Variants in METTL15 observed in about 807,000 individuals in gnomAD.
METTL15 encodes the protein 12S rRNA N(4)-cytidine methyltransferase METTL15.
METTL15 carries 34 observed loss-of-function variants against 38.3 expected under a neutral mutation model. The ratio of observed to expected loss-of-function variants is 0.89; its 90% CI spans 0.68 to 1.18. The LOEUF (loss-of-function observed/expected upper bound fraction) is 1.18, where lower values mean the gene tolerates loss of function less well. Among genes scored for constraint, METTL15 ranks in the 50% most tolerant of loss-of-function variants. The probability of loss-of-function intolerance (pLI) is 0.00; values close to 1 mark genes in which losing one functional copy is unlikely to be tolerated. For synonymous variants in METTL15, 162 were observed against 170.9 expected (o/e 0.95, Z 0.41); for missense variants, 438 against 498.4 (o/e 0.88, Z 1.15).
At chr11:28,130,310 C>T (rs190798736) in intron 3 of METTL15, among the ~76,000 whole-genome samples, 1 of 152,038 alleles carries the variant, frequency 6.6e-6, no homozygotes, top group Non-Finnish European at 1.5e-5. Flanking sequence ...GACCTGGTCT[C>T]AAAAAACCAA....
At chr11:28,434,269 A>G (rs760260382) in intron 6 of METTL15, among the ~76,000 whole-genome samples, 2 of 152,194 alleles carry the variant, frequency 1.3e-5, no homozygotes, top group Non-Finnish European at 2.9e-5. Flanking sequence ...CCCTTCCACC[A>G]TGACTGTAAA....
intron 5 of METTL15, among the ~76,000 whole-genome samples, chr11:28,369,759 C>G (rs1850224358): frequency 6.6e-6 from 1 of 152,104 alleles, no homozygotes; most frequent in South Asian, 2.1e-4. Context: ...TTCATCAAAA[C>G]TAGACCTGCC....
intron 3 of METTL15, among the ~76,000 whole-genome samples, chr11:28,188,505 C>T (rs1308641809): frequency 1.3e-5 from 2 of 150,998 alleles, no homozygotes; most frequent in African/African-American, 4.8e-5. Flanking sequence ...TGACTCATGT[C>T]CAAATGTTTA....
intron 4 of METTL15, among the ~76,000 whole-genome samples, chr11:28,250,285 T>C (rs1478470208): frequency 1.3e-5 from 2 of 152,102 alleles, no homozygotes; most frequent in African/African-American, 4.8e-5. Flanking sequence ...TTAAGTTCTT[T>C]AAGAAATCAC....
intron 3 of METTL15, among the ~76,000 whole-genome samples, chr11:28,183,887 CTGGACTTTTT>C (rs2133789045): frequency 6.6e-6 from 1 of 152,098 alleles, no homozygotes; most frequent in East Asian, 1.9e-4. Context: ...TCGTCTGGTT[CTGGACTTTTT>C]TGGTTGGTAG....
chr11:28,353,082 C>G (rs1368234180), intron 4 of METTL15, among the ~76,000 whole-genome samples: 3 of 152,046 alleles, frequency 2.0e-5, no homozygotes, highest in African/African-American at 7.2e-5. Context: ...CATATTCAGC[C>G]TAGCTTAGAA....
intron 3 of METTL15, chr11:28,122,207 G>A (rs921078555): frequency 1.6e-6 from 2 of 1,234,240 alleles, no homozygotes; most frequent in African/African-American, 1.6e-5. Flanking sequence ...TTTAAAATGA[G>A]AATGTTTATG....
chr11:28,326,780 T>TTTTTTGG (rs972856038), intron 6 of METTL15, among the ~76,000 whole-genome samples: 8 of 151,610 alleles, frequency 5.3e-5, no homozygotes, highest in Non-Finnish European at 1.2e-4. Context: ...TTTGTTTTTG[T>TTTTTTGG]TTTTTGGTTT....
intron 4 of METTL15, among the ~76,000 whole-genome samples, chr11:28,270,343 A>G (rs1466415231): frequency 1.3e-5 from 2 of 152,206 alleles, no homozygotes; most frequent in African/African-American, 4.8e-5. Context: ...AATTAACATT[A>G]CACATGAATT....
intron 4 of METTL15, among the ~76,000 whole-genome samples, chr11:28,225,482 A>G (rs1042556910): frequency 6.6e-6 from 1 of 151,688 alleles, no homozygotes; most frequent in Non-Finnish European, 1.5e-5. Flanking sequence ...GGGGAATTTT[A>G]TAGATATCAC....
At chr11:28,118,499 T>C (rs1157302429) in intron 3 of METTL15, among the ~76,000 whole-genome samples, 1 of 152,182 alleles carries the variant, frequency 6.6e-6, no homozygotes, top group African/African-American at 2.4e-5. Flanking sequence ...AACTTTTTTT[T>C]TTCTCCTGGA....
chr11:28,414,283 C>G (rs750538380), intron 5 of METTL15, among the ~76,000 whole-genome samples: 1 of 152,046 alleles, frequency 6.6e-6, no homozygotes, highest in African/African-American at 2.4e-5. Flanking sequence ...GGGGAAGCAA[C>G]TTCTGAGAAG....
chr11:28,321,425 T>A (rs955225816), intron 6 of METTL15, among the ~76,000 whole-genome samples: 1 of 152,168 alleles, frequency 6.6e-6, no homozygotes, highest in African/African-American at 2.4e-5. Context: ...TTATAATTTT[T>A]TATGCTTTTT....
intron 5 of METTL15, among the ~76,000 whole-genome samples, chr11:28,409,231 A>C (rs1171496932): frequency 6.6e-6 from 1 of 151,906 alleles, no homozygotes; most frequent in East Asian, 1.9e-4. Flanking sequence ...AAATACAAAA[A>C]ATTAGCCTGG....
At chr11:28,405,931 T>C (rs1316760435) in intron 5 of METTL15, among the ~76,000 whole-genome samples, 2 of 152,202 alleles carry the variant, frequency 1.3e-5, no homozygotes, top group Non-Finnish European at 2.9e-5. Context: ...TGTGCAGTCT[T>C]ATTTCTGAGA....
intron 5 of METTL15, among the ~76,000 whole-genome samples, chr11:28,384,791 C>G (rs1325047051): frequency 2.0e-5 from 3 of 152,122 alleles, no homozygotes; most frequent in Non-Finnish European, 4.4e-5. Flanking sequence ...TCTTCCTAAC[C>G]TTGCCAGCAT....
intron 6 of METTL15, among the ~76,000 whole-genome samples, chr11:28,433,838 T>C (rs1358113214): frequency 6.6e-6 from 1 of 152,206 alleles, no homozygotes; most frequent in African/African-American, 2.4e-5. Flanking sequence ...ATACGTCTTA[T>C]AGATCAATCC....
At chr11:28,432,321 T>C (rs942271280) in intron 6 of METTL15, among the ~76,000 whole-genome samples, 1 of 152,260 alleles carries the variant, frequency 6.6e-6, no homozygotes, top group Admixed American at 6.5e-5. Flanking sequence ...TATATCTCTT[T>C]CTTTTTAAGG....
intron 3 of METTL15, among the ~76,000 whole-genome samples, chr11:28,153,732 G>A (rs965737817): frequency 2.0e-5 from 3 of 152,074 alleles, no homozygotes; most frequent in African/African-American, 4.8e-5. Flanking sequence ...GATGGAATTG[G>A]CATTTAGAAA....
Sources: allele counts gnomAD v4.1 joint callset (sites outside exome capture counted in the v4.1 genomes callset), GRCh38; gene constraint gnomAD v4.1.1; transcripts MANE v1.5; gene names NCBI Gene and HGNC (gene_info 2026-07-23, HGNC 2026-07-21).